Variants in KIF6 observed in about 807,000 individuals in gnomAD.
KIF6 encodes the protein kinesin family member 6, also known as kinesin-like protein KIF6.
In KIF6, 106 loss-of-function variants were observed where a neutral mutation model predicts 112.7. The observed-to-expected ratio is 0.94, with a 90% CI of 0.80 to 1.11. The LOEUF (loss-of-function observed/expected upper bound fraction) is 1.11, where lower values mean the gene tolerates loss of function less well. Among genes scored for constraint, KIF6 ranks in the 50% least tolerant of loss-of-function variants. The pLI is 0.00. For synonymous variants in KIF6, 339 were observed against 339.9 expected (o/e 1.00, Z 0.03); for missense variants, 929 against 964.0 (o/e 0.96, Z 0.48).
At chr6:39,589,088 G>C (rs1361081837) in intron 7 of KIF6, among the ~76,000 whole-genome samples, 1 of 152,164 alleles carries the variant, frequency 6.6e-6, no homozygotes, top group Non-Finnish European at 1.5e-5. Flanking sequence ...CCCTGGGCCT[G>C]TACTGGCCTT....
At chr6:39,476,214 T>TAA (rs11418415) in intron 13 of KIF6, among the ~76,000 whole-genome samples, 3 of 138,436 alleles carry the variant, frequency 2.2e-5, no homozygotes, top group East Asian at 2.0e-4. Context: ...TAAATTAAAT[T>TAA]AAAAAAAAAA....
intron 15 of KIF6, among the ~76,000 whole-genome samples, chr6:39,400,325 G>C (rs977732299): frequency 6.6e-6 from 1 of 152,210 alleles, no homozygotes; most frequent in African/African-American, 2.4e-5. Flanking sequence ...TCAGACACAG[G>C]CTGGATGATT....
intron 15 of KIF6, among the ~76,000 whole-genome samples, chr6:39,390,333 A>G (rs1192167885): frequency 2.0e-5 from 3 of 152,230 alleles, no homozygotes; most frequent in Non-Finnish European, 4.4e-5. Flanking sequence ...TGACAGGTCA[A>G]GCGGCTAAAT....
intron 3 of KIF6, among the ~76,000 whole-genome samples, chr6:39,703,328 A>G (rs1457495339): frequency 1.3e-5 from 2 of 152,046 alleles, no homozygotes; most frequent in African/African-American, 4.8e-5. Context: ...AAGACTATGA[A>G]AGGAAGATCT....
intron 16 of KIF6, among the ~76,000 whole-genome samples, chr6:39,372,592 T>C (rs563174295): frequency 3.3e-5 from 5 of 152,312 alleles, no homozygotes; most frequent in South Asian, 2.1e-4. Context: ...TTATAAACCA[T>C]TGCAAACACA....
At chr6:39,592,373 T>C (rs769007082) in intron 7 of KIF6, among the ~76,000 whole-genome samples, 1 of 152,138 alleles carries the variant, frequency 6.6e-6, no homozygotes, top group Non-Finnish European at 1.5e-5. Context: ...CCTATGAAAA[T>C]TGACAAAATT....
chr6:39,343,414 C>T lies in KIF6; in HGVS notation c.2428+295G>A. 7.3e-7 allele frequency: 1 copy of T among 1,371,684 alleles called. No homozygotes were observed. The highest frequency in any genetic ancestry group is 1.2e-5 in the South Asian group (1 of 81,744). The allele number at this position is 1,371,684 out of a possible 1,614,324, so 85.0% of individuals were successfully genotyped here. A position where few individuals can be genotyped will look rare whatever the true frequency, so the allele number is the denominator to read the frequency against. ...CAGAGGAGACAGCTGACTTTGGGAACAGAGAACAAAGGAGCTGAAGATCTG... is the reference window on the plus strand; with the variant it reads ...CAGAGGAGACAGCTGACTTTGGGAATAGAGAACAAAGGAGCTGAAGATCTG... On this transcript the variant is annotated intron_variant, in intron 22 of 22. Transcript: ENST00000287152. The surrounding 1 kb of genome is among the most constrained non-coding windows in gnomAD (Gnocchi z 4.1).
intron 7 of KIF6, among the ~76,000 whole-genome samples, chr6:39,591,487 AG>A (rs1352669991): frequency 6.6e-6 from 1 of 152,226 alleles, no homozygotes; most frequent in African/African-American, 2.4e-5. Context: ...TTTCTGGAAT[AG>A]TTCTTAGTAA....
rs180682381 is a variant in KIF6 at position 39,706,060 on chromosome 6, C to G, written c.251+8632G>C. ...GAAACCCCCAACTAACTTTTTAATC[C>G]AAGTAACGCTTTTTATTTTACCGCT... On this transcript the variant is annotated intron_variant, in intron 3 of 22. Coordinates refer to ENST00000287152, the MANE Select transcript of KIF6 (RefSeq NM_145027.6). 1.9e-3 allele frequency among the ~76,000 whole-genome samples: 283 copies of G among 152,226 alleles called. 1 individual carries two copies. The highest frequency in any genetic ancestry group is 6.3e-3 in the African/African-American group (260 of 41,536).
Position 39,343,213 on chromosome 6 carries a change from A to G in KIF6, c.2428+496T>C. 8.2e-7 allele frequency: 1 copy of G among 1,220,554 alleles called. No individual in the cohort carries two copies. 75.6% of individuals were successfully genotyped at this position (1,220,554 alleles called of 1,614,324 possible). ...TTCTCTTCCTGTTGTCTGACACGCC[A>G]CTCTTACTTCCTCTGTGATTGTTAT... is the stretch of plus-strand genomic sequence containing the variant. On this transcript the variant is annotated intron_variant, in intron 22 of 22. Transcript: ENST00000287152. This position sits in a 1 kb window ranked among gnomAD's most constrained non-coding sequence, Gnocchi z 4.1.
intron 13 of KIF6, among the ~76,000 whole-genome samples, chr6:39,535,212 A>G (rs1007286887): frequency 2.0e-5 from 3 of 152,220 alleles, no homozygotes; most frequent in African/African-American, 7.2e-5. Context: ...ACACATAACA[A>G]TACTAACTTT....
At chr6:39,531,302 A>G (rs1360444331) in intron 13 of KIF6, among the ~76,000 whole-genome samples, 1 of 152,170 alleles carries the variant, frequency 6.6e-6, no homozygotes, top group Non-Finnish European at 1.5e-5. Context: ...TCTCAATAGC[A>G]ATATCAAGGG....
chr6:39,659,764 T>C (rs1786025717), intron 3 of KIF6, among the ~76,000 whole-genome samples: 1 of 152,344 alleles, frequency 6.6e-6, no homozygotes, highest in South Asian at 2.1e-4. Context: ...AAAGCAGAAC[T>C]GTGAGTCAAT....
chr6:39,478,102 A>G (rs986198334), intron 13 of KIF6, among the ~76,000 whole-genome samples: 1 of 152,068 alleles, frequency 6.6e-6, no homozygotes, highest in Non-Finnish European at 1.5e-5. Context: ...TACATGAGTA[A>G]GTTCTCCAGT....
intron 15 of KIF6, among the ~76,000 whole-genome samples, chr6:39,400,311 T>A (rs915531644): frequency 1.3e-5 from 2 of 152,180 alleles, no homozygotes; most frequent in African/African-American, 4.8e-5. Context: ...AGGGCGGCAT[T>A]CTTTCAGACA....
At chr6:39,413,176 T>C (rs532145411) in intron 15 of KIF6, among the ~76,000 whole-genome samples, 1 of 152,284 alleles carries the variant, frequency 6.6e-6, no homozygotes, top group Non-Finnish European at 1.5e-5. Flanking sequence ...TGTTCCATTA[T>C]AGCACCTATA....
At chr6:39,617,692 G>A (rs928188274) in intron 5 of KIF6, 1 of 454,776 alleles carries the variant, frequency 2.2e-6, no homozygotes, top group Non-Finnish European at 4.4e-6. Context: ...CCAATAGATG[G>A]CAGAGGTGCC....
At chr6:39,624,644 G>A (rs534128987) in intron 5 of KIF6, among the ~76,000 whole-genome samples, 25 of 152,228 alleles carry the variant, frequency 1.6e-4, no homozygotes, top group African/African-American at 6.0e-4. Context: ...ACCTCTTAAT[G>A]GCTGAAGAAA....
chr6:39,612,782 G>A (rs1007233143), intron 6 of KIF6, among the ~76,000 whole-genome samples: 3 of 152,254 alleles, frequency 2.0e-5, no homozygotes, highest in African/African-American at 7.2e-5. Context: ...ATGATTTCAG[G>A]TTAGGAAAAA....
Sources: allele counts gnomAD v4.1 joint callset (sites outside exome capture counted in the v4.1 genomes callset), GRCh38; gene constraint gnomAD v4.1.1; non-coding constraint Gnocchi (gnomAD v3.1); transcripts MANE v1.5; gene names NCBI Gene and HGNC (gene_info 2026-07-23, HGNC 2026-07-21).